HNRNPM: variants seen among roughly 807,000 people sequenced by gnomAD.
HNRNPM encodes CEA receptor.
HNRNPM carries 11 observed loss-of-function variants against 73.1 expected under a neutral mutation model. That is an observed-to-expected ratio of 0.15 (90% CI 0.09 to 0.25). The LOEUF (loss-of-function observed/expected upper bound fraction) is 0.25, where lower values mean the gene tolerates loss of function less well. Ranked by LOEUF, HNRNPM falls within the 10% of genes least tolerant of loss-of-function variation. HNRNPM has a pLI of 1.00. For synonymous variants in HNRNPM, 407 were observed against 355.2 expected (o/e 1.15, Z -1.64); for missense variants, 789 against 1,067.9 (o/e 0.74, Z 3.64).
In HNRNPM at chr19:8,462,243, C is replaced by T. The variant is rs1599777254; in HGVS notation, c.284-286C>T. Reference sequence around the variant, plus strand: ...CTTCTTTCCTATAGATTTGGATTGCCTCTAGTCATGAATGAGTCTTCCAGA... The same window carrying T: ...CTTCTTTCCTATAGATTTGGATTGCTTCTAGTCATGAATGAGTCTTCCAGA... On this transcript the variant is annotated intron_variant, in intron 2 of 15. Transcript: ENST00000325495. This position sits in a 1 kb window ranked among gnomAD's most constrained non-coding sequence, Gnocchi z 4.5. 1 of 381,022 alleles carries T rather than the reference C, an allele frequency of 2.6e-6. No homozygotes were observed. Among genetic ancestry groups the T allele is most frequent in the South Asian group, 3.9e-5 (1 of 25,454 alleles). 23.6% of individuals were successfully genotyped at this position (381,022 alleles called of 1,614,324 possible).
intron 12 of HNRNPM, among the ~76,000 whole-genome samples, chr19:8,479,321 C>T (rs1021699648): frequency 6.6e-6 from 1 of 151,876 alleles, no homozygotes; most frequent in African/African-American, 2.4e-5. Context: ...TCAAGTGATC[C>T]ACCTGCCTCT....
rs140187714 is a variant in HNRNPM, at chr19:8,469,690, A to C, written c.895+856A>C. On this transcript the variant is annotated intron_variant, in intron 9 of 15. Transcript: ENST00000325495. ...AGTGCATACAGCGGTGGGACGACTC[A>C]GGGAATCACTGGCGCAGGTAAAGCT... Among the ~76,000 whole-genome samples the C allele has an allele frequency of 1.5e-3, 228 of 152,332 alleles. 1 individual carries two copies. The highest frequency in any genetic ancestry group is 0.01 in the Middle Eastern group (3 of 294).
intron 1 of HNRNPM, among the ~76,000 whole-genome samples, chr19:8,445,895 G>C (rs1283404391): frequency 6.6e-6 from 1 of 152,252 alleles, no homozygotes; most frequent in Admixed American, 6.5e-5. Flanking sequence ...AAGCTGTTCT[G>C]TCAGGAGGCG....
chr19:8,459,500 T>G (rs1969253826), intron 2 of HNRNPM, among the ~76,000 whole-genome samples: 1 of 152,106 alleles, frequency 6.6e-6, no homozygotes, highest in South Asian at 2.1e-4. Context: ...CCCAATAGAG[T>G]GGCAGCCTGA....
Position 8,466,783 on chromosome 19 carries a change from G to A in HNRNPM, c.784+395G>A, listed in dbSNP as rs542040652. The stretch of plus-strand genomic sequence containing the variant: ...GGAGGTTGCAGTGAGCCGAGATTGC[G>A]CCACTGCACACCACCAGCCTGGGTG... On this transcript the variant is annotated intron_variant, in intron 7 of 15. Transcript: ENST00000325495. Among the ~76,000 whole-genome samples, 4 of 126,546 alleles carry A rather than the reference G, an allele frequency of 3.2e-5. No individual in the cohort carries two copies. The South Asian group carries it at 8.3e-4, about 26-fold the overall frequency. 83.0% of individuals were successfully genotyped at this position (126,546 alleles called of 152,430 possible).
intron 15 of HNRNPM, chr19:8,488,437 GCGCCT>G: frequency 2.4e-6 from 1 of 418,026 alleles, no homozygotes; most frequent in Non-Finnish European, 4.3e-6. Flanking sequence ...GCTTTACACT[GCGCCT>G]TCTTTTTTGA....
At chr19:8,450,442 A>G (rs1968523856) in intron 1 of HNRNPM, among the ~76,000 whole-genome samples, 2 of 151,748 alleles carry the variant, frequency 1.3e-5, no homozygotes, top group South Asian at 2.1e-4. Flanking sequence ...ATGGAGTTTC[A>G]CTCTTGTCCC....
intron 2 of HNRNPM, among the ~76,000 whole-genome samples, chr19:8,459,377 A>G (rs1343961244): frequency 1.3e-5 from 2 of 152,212 alleles, no homozygotes; most frequent in African/African-American, 4.8e-5. Context: ...GCGTGGGCTC[A>G]GTCATTTCCT....
At chr19:8,464,789 G>T (rs1346241423) in intron 5 of HNRNPM, among the ~76,000 whole-genome samples, 2 of 152,124 alleles carry the variant, frequency 1.3e-5, no homozygotes, top group South Asian at 4.1e-4. Context: ...AGTTGAAGAA[G>T]AGAGTCAGTA....
intron 1 of HNRNPM, among the ~76,000 whole-genome samples, chr19:8,450,294 A>G (rs925617238): frequency 6.6e-5 from 10 of 152,232 alleles, no homozygotes; most frequent in African/African-American, 2.4e-4. Context: ...TTCCTTGATT[A>G]GAAACTCCAA....
intron 2 of HNRNPM, chr19:8,461,926 C>T (rs1969427612): frequency 6.6e-6 from 1 of 151,840 alleles, no homozygotes; most frequent in South Asian, 2.1e-4. Context: ...CAAGGGGCCT[C>T]TTGTTAAAAA....
At chr19:8,454,675 C>CT (rs1437792858) in intron 1 of HNRNPM, among the ~76,000 whole-genome samples, 2 of 107,428 alleles carry the variant, frequency 1.9e-5, no homozygotes, top group Non-Finnish European at 3.8e-5. Flanking sequence ...CATTTTATGC[C>CT]CCCCCCCCCT....
At chr19:8,485,146 C>T (rs1204185039) in intron 13 of HNRNPM, among the ~76,000 whole-genome samples, 1 of 151,996 alleles carries the variant, frequency 6.6e-6, no homozygotes, top group African/African-American at 2.4e-5. Flanking sequence ...GAGGGACAGG[C>T]TGGGAGGGGA....
intron 6 of HNRNPM, 74 bp downstream of exon 6, chr19:8,465,589 A>T: frequency 2.1e-6 from 2 of 967,350 alleles, no homozygotes; most frequent in Non-Finnish European, 1.5e-6. Context: ...ATGTTATAAA[A>T]GTAATTCTCA....
chr19:8,463,208 G>A (rs765536863), intron 3 of HNRNPM, among the ~76,000 whole-genome samples: 4 of 152,130 alleles, frequency 2.6e-5, no homozygotes, highest in Non-Finnish European at 4.4e-5. Flanking sequence ...AAGTTGGTGT[G>A]ATTTCTTGGA....
rs745730964 is a variant in HNRNPM at position 8,445,004 on chromosome 19, G to T, written c.6G>T (p.Ala2=). The change falls in exon 1 of 16, where the codon GCG becomes GCT. Residue 2 remains alanine (A), a synonymous_variant. Coordinates refer to ENST00000325495, the MANE Select transcript of HNRNPM (RefSeq NM_005968.5). ...AAAGCCCAGACGCGGAGAAAATGGC[G>T]GCAGGGGTCGAAGCGGCGGCGGAGG... M[A]AGVEAAAEVA... The T allele has an allele frequency of 8.4e-6, 12 of 1,420,596 alleles. No individual in the cohort carries two copies. Among genetic ancestry groups the T allele is most frequent in the Non-Finnish European group, 1.1e-5 (12 of 1,089,218 alleles). 88.0% of individuals were successfully genotyped at this position (1,420,596 alleles called of 1,614,324 possible).
chr19:8,456,315 T>C (rs879477750), intron 2 of HNRNPM, among the ~76,000 whole-genome samples: 3 of 152,170 alleles, frequency 2.0e-5, no homozygotes, highest in Non-Finnish European at 4.4e-5. Context: ...TGTGGTGTCC[T>C]CTCTCTCTCC....
At position 8,451,527 on chromosome 19, in the gene HNRNPM, C is replaced by CTCCCCT. The variant is rs147598953; in HGVS notation, c.114-3861_114-3856dup. 5.3e-5 allele frequency among the ~76,000 whole-genome samples: 8 copies of CTCCCCT among 151,374 alleles called. No individual in the cohort carries two copies. In the East Asian group the frequency reaches 5.9e-4, roughly 11 times the overall value. On this transcript the variant is annotated intron_variant, in intron 1 of 15. Coordinates refer to ENST00000325495, the MANE Select transcript of HNRNPM (RefSeq NM_005968.5). ...ACATCATCTAAACTTGAATATGTCC[C>CTCCCCT]TCCCCTTCCCCTTCCCCTTCCCTTG...
chr19:8,465,570 C>CTTG (rs1969687924), intron 6 of HNRNPM, 55 bp downstream of exon 6: 1 of 1,110,162 alleles, frequency 9.0e-7, no homozygotes, highest in Non-Finnish European at 1.3e-6. Flanking sequence ...ATGAAATGAC[C>CTTG]TTGTCAATAT....
Sources: gnomAD v4.1 joint callset for allele counts (sites outside exome capture counted in the v4.1 genomes callset) on GRCh38, gnomAD v4.1.1 for gene constraint, Gnocchi (gnomAD v3.1) non-coding constraint, MANE v1.5 for transcripts, NCBI Gene and HGNC (gene_info 2026-07-23, HGNC 2026-07-21) for gene names.